PDE1C: variants seen among roughly 807,000 people sequenced by gnomAD.
PDE1C encodes phosphodiesterase 1C.
PDE1C carries 62 observed loss-of-function variants against 93.1 expected under a neutral mutation model. That is an observed-to-expected ratio of 0.67 (90% CI 0.54 to 0.82). The LOEUF (loss-of-function observed/expected upper bound fraction) is 0.82. PDE1C is among the 40% of genes least tolerant of loss of function. The pLI, the probability that PDE1C is intolerant of heterozygous loss-of-function variation, is 0.00. For missense variants in PDE1C, 742 were observed against 884.6 expected (o/e 0.84, Z 2.04); for synonymous variants, 325 against 310.1 (o/e 1.05, Z -0.50).
At position 32,269,447 on chromosome 7, in the gene PDE1C, A is replaced by T. The variant is rs1244711251; in HGVS notation, c.85+29204T>A. On this transcript the variant is annotated intron_variant, in intron 1 of 18. Transcript: ENST00000396193. Reference sequence around the variant, plus strand: ...AGGGAGTGTAGGATATATTTTTTTGATGTTTTTGTTTTGTTTTGTTTCGTT... The same window carrying T: ...AGGGAGTGTAGGATATATTTTTTTGTTGTTTTTGTTTTGTTTTGTTTCGTT... 2.7e-5 allele frequency among the ~76,000 whole-genome samples: 3 copies of T among 109,530 alleles called. No homozygotes were observed. In the East Asian group the frequency reaches 7.5e-4, roughly 27 times the overall value. The allele number at this position is 109,530 out of a possible 152,430, so 71.9% of individuals were successfully genotyped here.
At position 31,888,707 on chromosome 7, in the gene PDE1C, C is replaced by T. The variant is rs73306552; in HGVS notation, c.129-7847G>A. On this transcript the variant is annotated intron_variant, in intron 2 of 17. Coordinates refer to ENST00000396191, the MANE Select transcript of PDE1C (RefSeq NM_001191057.4). ...ATAATTCTGTATCAGAATAATGATA[C>T]AGAATTGTATCAGAGTAATTGATCT... Among the ~76,000 whole-genome samples, 165 of 151,960 alleles carry T rather than the reference C, an allele frequency of 1.1e-3. 1 individual carries two copies. The highest frequency in any genetic ancestry group is 3.8e-3 in the African/African-American group (156 of 41,470).
intron 2 of PDE1C, among the ~76,000 whole-genome samples, chr7:32,014,547 C>A (rs9639638): frequency 1.3e-5 from 2 of 151,818 alleles, no homozygotes; most frequent in Non-Finnish European, 1.5e-5. Context: ...GGTGGTTTGC[C>A]GCACCTATCA....
intron 1 of PDE1C, among the ~76,000 whole-genome samples, chr7:32,261,762 T>C (rs1810219564): frequency 6.6e-6 from 1 of 152,246 alleles, no homozygotes; most frequent in Non-Finnish European, 1.5e-5. Context: ...TCAGAAAAGC[T>C]AGGCAGACAT....
At chr7:31,762,685 C>T (rs1794909803) in intron 17 of PDE1C, among the ~76,000 whole-genome samples, 1 of 152,092 alleles carries the variant, frequency 6.6e-6, no homozygotes, top group African/African-American at 2.4e-5. Flanking sequence ...AGGACTTTAC[C>T]TCAAGAAAGT....
At chr7:31,742,597 T>A in the PDE1C span, among the ~76,000 whole-genome samples, 1 of 152,166 alleles carries the variant, frequency 6.6e-6, no homozygotes, top group Non-Finnish European at 1.5e-5. Flanking sequence ...ACCACACTGG[T>A]GTTACATTCT....
chr7:31,815,399 G>T (rs187651964), intron 15 of PDE1C, among the ~76,000 whole-genome samples: 1 of 152,236 alleles, frequency 6.6e-6, no homozygotes, highest in African/African-American at 2.4e-5. Context: ...GCTTACCCCA[G>T]TTTGCCTGGA....
intron 2 of PDE1C, among the ~76,000 whole-genome samples, chr7:32,205,897 C>A (rs891556260): frequency 6.6e-5 from 10 of 152,148 alleles, no homozygotes; most frequent in Non-Finnish European, 1.2e-4. Context: ...CCGGACACAT[C>A]TGAAAATCTT....
At chr7:32,350,050 T>C (rs930830577) in intron 1 of PDE1C, among the ~76,000 whole-genome samples, 1 of 152,244 alleles carries the variant, frequency 6.6e-6, no homozygotes, top group Admixed American at 6.5e-5. Context: ...TGTCCTGCTT[T>C]GTGGCATTCC....
Position 31,794,093 on chromosome 7 carries a change from TAGATAGAC to T in PDE1C, c.1891+14930_1891+14937del, listed in dbSNP as rs1359020700. Among the ~76,000 whole-genome samples, 220 of 132,846 alleles carry T rather than the reference TAGATAGAC, an allele frequency of 1.7e-3. 2 individuals are homozygous for T. Among genetic ancestry groups the T allele is most frequent in the African/African-American group, 2.7e-3 (89 of 33,212 alleles). 87.2% of individuals were successfully genotyped at this position (132,846 alleles called of 152,430 possible). The stretch of plus-strand genomic sequence containing the variant: ...ACAGACAGACAGACAGACAGACAGA[TAGATAGAC>T]AGATAGATGGGCAGGCGGGCAGGCA... On this transcript the variant is annotated intron_variant, in intron 16 of 17. Coordinates refer to ENST00000396191, the MANE Select transcript of PDE1C (RefSeq NM_001191057.4).
intron 3 of PDE1C, among the ~76,000 whole-genome samples, chr7:32,103,791 T>A (rs1798152842): frequency 6.6e-6 from 1 of 152,142 alleles, no homozygotes; most frequent in African/African-American, 2.4e-5. Flanking sequence ...AGAGATGAAC[T>A]TTTAGAGAAA....
chr7:32,116,202 T>A (rs1242212459), intron 3 of PDE1C, among the ~76,000 whole-genome samples: 1 of 152,226 alleles, frequency 6.6e-6, no homozygotes, highest in East Asian at 1.9e-4. Flanking sequence ...TTTTATAGCA[T>A]CTTAGTCAAT....
chr7:32,409,794 A>G (rs1219397004), intron 1 of PDE1C, among the ~76,000 whole-genome samples: 1 of 151,752 alleles, frequency 6.6e-6, no homozygotes, highest in Non-Finnish European at 1.5e-5. Context: ...ACATAATATT[A>G]TATTCCTTAA....
chr7:31,968,323 A>T (rs1391646046), intron 2 of PDE1C, among the ~76,000 whole-genome samples: 5 of 152,088 alleles, frequency 3.3e-5, no homozygotes, highest in Non-Finnish European at 5.9e-5. Flanking sequence ...TAACAGACAA[A>T]CAGAGAGCCA....
At chr7:32,262,863 A>C (rs7357161) in intron 1 of PDE1C, among the ~76,000 whole-genome samples, 17,624 of 152,208 alleles carry the variant, frequency 0.12, 1,165 homozygotes, top group African/African-American at 0.16. Context: ...TAGGGGCTAA[A>C]CCTTCTACCT....
At chr7:31,954,835 A>AT (rs1255976935) in intron 2 of PDE1C, among the ~76,000 whole-genome samples, 1 of 152,232 alleles carries the variant, frequency 6.6e-6, no homozygotes, top group Non-Finnish European at 1.5e-5. Flanking sequence ...CACCAACCTA[A>AT]TACTATTTGA....
chr7:31,843,213 C>T (rs1420609372), intron 9 of PDE1C, among the ~76,000 whole-genome samples: 1 of 151,890 alleles, frequency 6.6e-6, no homozygotes, highest in African/African-American at 2.4e-5. Context: ...TTAATTAAGG[C>T]AAAGTGGCTG....
intron 2 of PDE1C, among the ~76,000 whole-genome samples, chr7:31,960,416 A>G (rs1416636741): frequency 6.6e-6 from 1 of 152,178 alleles, no homozygotes; most frequent in African/African-American, 2.4e-5. Flanking sequence ...CTACAAAATA[A>G]CTAGTCTTGA....
intron 2 of PDE1C, among the ~76,000 whole-genome samples, chr7:31,884,062 A>G (rs996698293): frequency 2.6e-5 from 4 of 152,176 alleles, no homozygotes. Context: ...ATTTATATGT[A>G]ACCCTGTCTT....
chr7:31,949,353 G>A (rs547992519), intron 2 of PDE1C, among the ~76,000 whole-genome samples: 25 of 152,172 alleles, frequency 1.6e-4, no homozygotes, highest in African/African-American at 5.5e-4. Flanking sequence ...CCAGCTGCTC[G>A]GGAGGCTGAG....
Sources: gnomAD v4.1 joint callset for allele counts (sites outside exome capture counted in the v4.1 genomes callset) on GRCh38, gnomAD v4.1.1 for gene constraint, MANE v1.5 for transcripts, NCBI Gene and HGNC (gene_info 2026-07-23, HGNC 2026-07-21) for gene names.